The following SPIDR variants were observed in gnomAD, a reference collection of about 807,000 sequenced individuals.
SPIDR encodes the protein scaffold protein involved in DNA repair.
A neutral mutation model predicts 104.6 loss-of-function variants in SPIDR; 93 were observed. The ratio of observed to expected loss-of-function variants is 0.89; its 90% CI spans 0.75 to 1.06. The LOEUF (loss-of-function observed/expected upper bound fraction) is 1.06, where lower values mean the gene tolerates loss of function less well. SPIDR is among the 50% of genes least tolerant of loss of function. The pLI is 0.00. For synonymous variants in SPIDR, 431 were observed against 416.9 expected, an observed-to-expected ratio of 1.03 and a Z score of -0.41; for missense variants, 1,154 against 1,111.2, an observed-to-expected ratio of 1.04 and a Z score of -0.55.
chr8:47,489,318 G>A (rs1310847723), intron 8 of SPIDR, among the ~76,000 whole-genome samples: 2 of 152,142 alleles, frequency 1.3e-5, no homozygotes, highest in African/African-American at 4.8e-5. Flanking sequence ...CCTCTTCAAG[G>A]AGAACTACAA....
intron 7 of SPIDR, among the ~76,000 whole-genome samples, chr8:47,416,969 T>C (rs1183043629): frequency 2.6e-5 from 4 of 152,242 alleles, no homozygotes; most frequent in Non-Finnish European, 5.9e-5. Context: ...CCTTTTTTTA[T>C]GGCTGCATAG....
chr8:47,701,869 T>C lies in SPIDR; in HGVS notation c.1917+5T>C. On this transcript the variant is annotated splice_donor_5th_base_variant and intron_variant, in intron 13 of 19. Coordinates refer to ENST00000297423, the MANE Select transcript of SPIDR (RefSeq NM_001080394.4). ...TGCTTAAGAGACATTCTCCAGGTAA[T>C]GTCTTTGTTTCTAACAGGTTTTTTA... 6.2e-7 allele frequency: 1 copy of C among 1,614,124 alleles called. No individual in the cohort carries two copies. Among genetic ancestry groups the C allele is most frequent in the East Asian group, 2.2e-5 (1 of 44,888 alleles).
chr8:47,403,998 CAG>C (rs1346567096), intron 6 of SPIDR, among the ~76,000 whole-genome samples: 18 of 152,306 alleles, frequency 1.2e-4, no homozygotes, highest in African/African-American at 3.8e-4. Flanking sequence ...GGTACCAAAA[CAG>C]AGATACAGAC....
At chr8:47,297,581 A>G (rs1291390081) in intron 5 of SPIDR, among the ~76,000 whole-genome samples, 2 of 152,078 alleles carry the variant, frequency 1.3e-5, no homozygotes, top group Non-Finnish European at 1.5e-5. Flanking sequence ...AACATCAGGT[A>G]TATCTCCTAA....
At chr8:47,585,766 G>A (rs1554817394) in intron 8 of SPIDR, among the ~76,000 whole-genome samples, 1 of 152,228 alleles carries the variant, frequency 6.6e-6, no homozygotes, top group African/African-American at 2.4e-5. Context: ...AGCATGCTAG[G>A]TCAGGTCTCT....
intron 1 of SPIDR, among the ~76,000 whole-genome samples, chr8:47,272,078 G>A (rs995267742): frequency 2.0e-5 from 3 of 151,830 alleles, no homozygotes; most frequent in Non-Finnish European, 2.9e-5. Context: ...GGGTTCAAGC[G>A]AGTCTCAGCC....
At chr8:47,562,854 TTACTCA>T (rs1191611841) in intron 8 of SPIDR, among the ~76,000 whole-genome samples, 1 of 152,182 alleles carries the variant, frequency 6.6e-6, no homozygotes, top group Non-Finnish European at 1.5e-5. Flanking sequence ...CCAGCTTCTC[TTACTCA>T]TCCAGCCTGA....
chr8:47,513,000 T>A (rs2082596227), intron 8 of SPIDR, among the ~76,000 whole-genome samples: 1 of 152,220 alleles, frequency 6.6e-6, no homozygotes, highest in Non-Finnish European at 1.5e-5. Flanking sequence ...GCAAGGACCC[T>A]GATGAAATAA....
At chr8:47,412,206 C>T (rs2063631002) in intron 7 of SPIDR, among the ~76,000 whole-genome samples, 1 of 152,136 alleles carries the variant, frequency 6.6e-6, no homozygotes, top group African/African-American at 2.4e-5. Flanking sequence ...TCATTGGTAG[C>T]TTGATGGGGA....
chr8:47,509,274 A>G (rs2081965400), intron 8 of SPIDR, among the ~76,000 whole-genome samples: 1 of 152,202 alleles, frequency 6.6e-6, no homozygotes, highest in Non-Finnish European at 1.5e-5. Flanking sequence ...AGAAATCCGG[A>G]AGCCCTTGAG....
chr8:47,570,791 T>C (rs1395645881), intron 8 of SPIDR, among the ~76,000 whole-genome samples: 1 of 152,038 alleles, frequency 6.6e-6, no homozygotes, highest in East Asian at 1.9e-4. Flanking sequence ...ATAAGAGTAA[T>C]GATTAAGATG....
intron 5 of SPIDR, among the ~76,000 whole-genome samples, chr8:47,337,486 A>T (rs2049978857): frequency 6.6e-6 from 1 of 152,006 alleles, no homozygotes; most frequent in Non-Finnish European, 1.5e-5. Context: ...TCGGTGTACA[A>T]GTCTTTTTTT....
At chr8:47,470,771 G>A (rs186291771) in intron 8 of SPIDR, among the ~76,000 whole-genome samples, 1 of 151,766 alleles carries the variant, frequency 6.6e-6, no homozygotes, top group Admixed American at 6.6e-5. Flanking sequence ...GTCTGGCTCT[G>A]TAGCCCAGGC....
chr8:47,341,216 T>C (rs1362238209), intron 5 of SPIDR, among the ~76,000 whole-genome samples: 1 of 152,224 alleles, frequency 6.6e-6, no homozygotes, highest in African/African-American at 2.4e-5. Context: ...GTTGAAACAG[T>C]GTACTGATAG....
intron 5 of SPIDR, among the ~76,000 whole-genome samples, chr8:47,307,740 T>C (rs587755754): frequency 6.6e-6 from 1 of 151,756 alleles, no homozygotes; most frequent in South Asian, 2.1e-4. Flanking sequence ...GGTTTTGCCA[T>C]GTTGGCCAGG....
chr8:47,459,209 G>A (rs1208694746), intron 8 of SPIDR, among the ~76,000 whole-genome samples: 6 of 152,076 alleles, frequency 3.9e-5, no homozygotes, highest in Non-Finnish European at 7.4e-5. Flanking sequence ...AGTGTCAATA[G>A]GATTGGTACC....
chr8:47,434,795 T>C (rs1170323938), intron 7 of SPIDR, among the ~76,000 whole-genome samples: 4 of 152,220 alleles, frequency 2.6e-5, no homozygotes, highest in African/African-American at 9.6e-5. Context: ...TTATTTGTTA[T>C]ACTCATATAT....
chr8:47,587,164 C>G (rs1013708522), intron 8 of SPIDR, among the ~76,000 whole-genome samples: 2 of 152,144 alleles, frequency 1.3e-5, no homozygotes, highest in Non-Finnish European at 2.9e-5. Flanking sequence ...AAATTTTTCC[C>G]TAACATTTTT....
chr8:47,552,985 TG>T (rs1190950637), intron 8 of SPIDR, among the ~76,000 whole-genome samples: 1 of 152,226 alleles, frequency 6.6e-6, no homozygotes. Context: ...AACATTTGTT[TG>T]TCTGTAAAGG....
Sources: gnomAD v4.1 joint callset for allele counts (sites outside exome capture counted in the v4.1 genomes callset) on GRCh38, gnomAD v4.1.1 for gene constraint, MANE v1.5 for transcripts, NCBI Gene and HGNC (gene_info 2026-07-23, HGNC 2026-07-21) for gene names.